The following FOXP2 variants were observed in gnomAD, a reference collection of about 807,000 sequenced individuals.
FOXP2 encodes the protein forkhead box protein P2.
A neutral mutation model predicts 115.8 loss-of-function variants in FOXP2; 12 were observed. That is an observed-to-expected ratio of 0.10 (90% CI 0.07 to 0.17). The LOEUF (loss-of-function observed/expected upper bound fraction) is 0.17. Among genes scored for constraint, FOXP2 ranks in the 10% least tolerant of loss-of-function variants. The pLI is 1.00. For synonymous variants in FOXP2, 328 were observed against 297.7 expected, an observed-to-expected ratio of 1.10 and a Z score of -1.05; for missense variants, 629 against 843.5, an observed-to-expected ratio of 0.75 and a Z score of 3.15.
chr7:114,167,948 A>C (rs1161167733), intron 1 of FOXP2, among the ~76,000 whole-genome samples: 5 of 151,606 alleles, frequency 3.3e-5, no homozygotes, highest in East Asian at 3.9e-4. Context: ...AAAAAAAAAA[A>C]AAAAAACACG....
At chr7:114,586,435 C>T (rs1245760781) in intron 3 of FOXP2, among the ~76,000 whole-genome samples, 1 of 151,840 alleles carries the variant, frequency 6.6e-6, no homozygotes, top group Non-Finnish European at 1.5e-5. Flanking sequence ...TATTAAGGTT[C>T]CATTTATAAA....
At chr7:114,149,869 A>G (rs2098709384) in intron 1 of FOXP2, among the ~76,000 whole-genome samples, 1 of 152,092 alleles carries the variant, frequency 6.6e-6, no homozygotes, top group Admixed American at 6.6e-5. Context: ...GGTAAAACAC[A>G]TCATCATGTA....
chr7:114,583,601 T>C (rs773762625), intron 3 of FOXP2, among the ~76,000 whole-genome samples: 4 of 152,296 alleles, frequency 2.6e-5, no homozygotes, highest in Non-Finnish European at 5.9e-5. Context: ...CTGAAAAATA[T>C]GTTCATTCTA....
Position 114,349,475 on chromosome 7 carries a change from T to C in FOXP2, c.-11+61366T>C, listed in dbSNP as rs138020992. The stretch of plus-strand genomic sequence containing the variant: ...AGCCAGTATTTTAATTCCTATGCTA[T>C]CTTCCCATTAGATGAAAGAGTAGCT... On this transcript the variant is annotated intron_variant, in intron 2 of 17. Transcript: ENST00000634411. Among the ~76,000 whole-genome samples the C allele has an allele frequency of 2.6e-3, 398 of 152,272 alleles. 3 individuals carry two copies. The highest frequency in any genetic ancestry group is 9.3e-3 in the African/African-American group (385 of 41,574).
intron 3 of FOXP2, among the ~76,000 whole-genome samples, chr7:114,583,614 T>A (rs987184062): frequency 6.6e-6 from 1 of 152,174 alleles, no homozygotes; most frequent in African/African-American, 2.4e-5. Context: ...TCATTCTAAG[T>A]TGATGACTGA....
At chr7:114,176,996 A>G (rs760692341) in intron 1 of FOXP2, among the ~76,000 whole-genome samples, 2 of 152,084 alleles carry the variant, frequency 1.3e-5, no homozygotes, top group Non-Finnish European at 2.9e-5. Flanking sequence ...TATTAGCTGT[A>G]TGAACTTCCT....
intron 2 of FOXP2, among the ~76,000 whole-genome samples, chr7:114,436,699 T>C (rs1329209249): frequency 6.6e-6 from 1 of 151,478 alleles, no homozygotes; most frequent in African/African-American, 2.4e-5. Flanking sequence ...CATACATAAA[T>C]ATGAAATTGT....
intron 2 of FOXP2, among the ~76,000 whole-genome samples, chr7:114,475,055 C>T (rs916853265): frequency 1.1e-4 from 17 of 151,918 alleles, no homozygotes; most frequent in African/African-American, 4.1e-4. Context: ...TCATACAGAC[C>T]ATAATAAAGC....
At chr7:114,586,100 T>C (rs1390032278) in intron 3 of FOXP2, among the ~76,000 whole-genome samples, 1 of 152,112 alleles carries the variant, frequency 6.6e-6, no homozygotes, top group Non-Finnish European at 1.5e-5. Flanking sequence ...ATTCCAGTAA[T>C]ATAAGATTTT....
At chr7:114,335,051 T>C (rs1469362931) in intron 2 of FOXP2, among the ~76,000 whole-genome samples, 1 of 150,330 alleles carries the variant, frequency 6.7e-6, no homozygotes, top group Non-Finnish European at 1.5e-5. Flanking sequence ...CTAGATATGG[T>C]TGCAAAATAC....
chr7:114,589,442 A>G (rs534898019), intron 3 of FOXP2, among the ~76,000 whole-genome samples: 41 of 152,292 alleles, frequency 2.7e-4, no homozygotes, highest in Admixed American at 2.7e-3. Context: ...GACTGAGCAC[A>G]CCATTGCCCA....
chr7:114,577,995 T>C (rs1801659782), intron 3 of FOXP2, among the ~76,000 whole-genome samples: 1 of 151,922 alleles, frequency 6.6e-6, no homozygotes, highest in Admixed American at 6.6e-5. Flanking sequence ...GTCCTCAGAA[T>C]TGAATAAACA....
chr7:114,350,274 T>C (rs1584657432), intron 2 of FOXP2, among the ~76,000 whole-genome samples: 1 of 152,234 alleles, frequency 6.6e-6, no homozygotes, highest in East Asian at 1.9e-4. Flanking sequence ...ATTAGGTATT[T>C]GTCCTAATGC....
intron 1 of FOXP2, among the ~76,000 whole-genome samples, chr7:114,177,962 T>C (rs1348356244): frequency 1.3e-5 from 2 of 151,974 alleles, no homozygotes; most frequent in East Asian, 1.9e-4. Flanking sequence ...AATTCCTCTT[T>C]CCCCCTAGCA....
rs1386649310 is a variant in FOXP2 at position 114,693,740 on chromosome 7, A to T, written c.*3814A>T. The T allele has an allele frequency of 2.2e-5, 7 of 311,280 alleles. No individual in the cohort carries two copies. The highest frequency in any genetic ancestry group is 8.5e-5 in the East Asian group (1 of 11,732). The allele number at this position is 311,280 out of a possible 1,614,324, so 19.3% of individuals were successfully genotyped here. On this transcript the variant is annotated 3_prime_UTR_variant, in exon 17 of 17. Transcript: ENST00000350908. Reference sequence around the variant, plus strand: ...TTGATTACATTTCTGAAGTATAAATAAAAAAATCTAATTCTTTTTGACCCA... The same window carrying T: ...TTGATTACATTTCTGAAGTATAAATTAAAAAATCTAATTCTTTTTGACCCA...
intron 2 of FOXP2, among the ~76,000 whole-genome samples, chr7:114,399,826 C>T (rs1366422002): frequency 1.3e-5 from 2 of 150,710 alleles, no homozygotes; most frequent in South Asian, 4.2e-4. Flanking sequence ...ACCTTAATTT[C>T]GAAGTGTCAA....
chr7:114,426,991 G>C (rs914490705), intron 2 of FOXP2, among the ~76,000 whole-genome samples: 41 of 151,622 alleles, frequency 2.7e-4, no homozygotes, highest in African/African-American at 9.9e-4. Context: ...TTGTGCTGCA[G>C]AACGTGATAC....
chr7:114,240,834 A>G (rs897711532), intron 1 of FOXP2, among the ~76,000 whole-genome samples: 6 of 152,034 alleles, frequency 3.9e-5, no homozygotes, highest in Admixed American at 2.0e-4. Context: ...GATTCAGTTA[A>G]CCAAACCTAT....
intron 3 of FOXP2, among the ~76,000 whole-genome samples, chr7:114,621,712 G>A (rs1036868397): frequency 6.6e-6 from 1 of 151,844 alleles, no homozygotes; most frequent in African/African-American, 2.4e-5. Context: ...CTTGAACTTT[G>A]GAACCAGAGA....
Sources: allele counts gnomAD v4.1 joint callset (sites outside exome capture counted in the v4.1 genomes callset), GRCh38; gene constraint gnomAD v4.1.1; transcripts MANE v1.5; gene names NCBI Gene and HGNC (gene_info 2026-07-23, HGNC 2026-07-21).